The following TBC1D1 variants were observed in gnomAD, a reference collection of about 807,000 sequenced individuals.
TBC1D1 encodes the protein TBC1 domain family member 1.
In TBC1D1, 89 loss-of-function variants were observed where a neutral mutation model predicts 125.6. That is an observed-to-expected ratio of 0.71 (90% CI 0.60 to 0.85). The LOEUF is 0.85. Among genes scored for constraint, TBC1D1 ranks in the 40% least tolerant of loss-of-function variants. The pLI, the probability that TBC1D1 is intolerant of heterozygous loss-of-function variation, is 0.00. For synonymous variants in TBC1D1, 565 were observed against 564.1 expected (o/e 1.00, Z -0.02); for missense variants, 1,377 against 1,469.2 (o/e 0.94, Z 1.03).
chr4:37,947,027 C>T (rs28536056), intron 2 of TBC1D1, among the ~76,000 whole-genome samples: 25,598 of 152,106 alleles, frequency 0.17, 2,687 homozygotes, highest in East Asian at 0.59. Flanking sequence ...AAGGGATGGA[C>T]GGATGATGAA....
intron 2 of TBC1D1, among the ~76,000 whole-genome samples, chr4:37,950,219 C>T (rs185150856): frequency 7.9e-5 from 12 of 152,206 alleles, no homozygotes; most frequent in African/African-American, 2.2e-4. Context: ...ACCTGAATGA[C>T]CCTGGGCAAA....
At chr4:38,016,174 T>G (rs1381922639) in intron 3 of TBC1D1, among the ~76,000 whole-genome samples, 1 of 152,200 alleles carries the variant, frequency 6.6e-6, no homozygotes, top group Non-Finnish European at 1.5e-5. Context: ...CTAATTATAA[T>G]TGTGGTAAAT....
intron 10 of TBC1D1, among the ~76,000 whole-genome samples, chr4:38,047,655 G>C (rs1578418807): frequency 6.6e-6 from 1 of 152,144 alleles, no homozygotes; most frequent in African/African-American, 2.4e-5. Flanking sequence ...CCAGCATCAA[G>C]CAGAGTGTGG....
intron 2 of TBC1D1, among the ~76,000 whole-genome samples, chr4:37,972,371 C>T (rs1314588655): frequency 6.6e-6 from 1 of 151,416 alleles, no homozygotes; most frequent in Non-Finnish European, 1.5e-5. Flanking sequence ...ATCTCAACTA[C>T]TCAGGAGGCT....
chr4:38,092,882 A>G lies in TBC1D1; in HGVS notation c.2236+2765A>G, dbSNP rs557768459. On this transcript the variant is annotated intron_variant, in intron 13 of 19. Transcript: ENST00000261439. ...GCCATTCCATCTTGGGGTGACTCAC[A>G]CACACACTCAGACTGGGACCATGTA... 2.3e-4 allele frequency among the ~76,000 whole-genome samples: 35 copies of G among 152,224 alleles called. No individual in the cohort carries two copies. In the East Asian group the frequency reaches 6.4e-3, roughly 28 times the overall value.
At chr4:38,050,308 T>C (rs1750270239) in intron 11 of TBC1D1, among the ~76,000 whole-genome samples, 1 of 152,258 alleles carries the variant, frequency 6.6e-6, no homozygotes, top group Non-Finnish European at 1.5e-5. Flanking sequence ...GCTGGCCTCA[T>C]AGGGTGACAG....
intron 2 of TBC1D1, among the ~76,000 whole-genome samples, chr4:37,980,022 A>G (rs1578135873): frequency 6.6e-6 from 1 of 152,060 alleles, no homozygotes; most frequent in Admixed American, 6.5e-5. Context: ...CAGGTGATCC[A>G]CCTGCCTCGG....
intron 2 of TBC1D1, among the ~76,000 whole-genome samples, chr4:37,907,944 T>C (rs1238134506): frequency 6.6e-6 from 1 of 152,232 alleles, no homozygotes; most frequent in Non-Finnish European, 1.5e-5. Context: ...CTTTTCTTTA[T>C]CCACGGAGGA....
At chr4:38,057,030 A>G (rs1369885343) in intron 12 of TBC1D1, among the ~76,000 whole-genome samples, 1 of 152,098 alleles carries the variant, frequency 6.6e-6, no homozygotes, top group Non-Finnish European at 1.5e-5. Flanking sequence ...CCTGGCATAG[A>G]TGCTGCTCCT....
intron 2 of TBC1D1, among the ~76,000 whole-genome samples, chr4:37,919,019 A>G (rs2996044): frequency 0.34 from 52,078 of 151,370 alleles, 9,356 homozygotes; most frequent in Non-Finnish European, 0.38. Flanking sequence ...AATACCAACA[A>G]CACAGAGAAA....
chr4:38,073,772 G>A (rs1377232129), intron 12 of TBC1D1, among the ~76,000 whole-genome samples: 4 of 152,142 alleles, frequency 2.6e-5, no homozygotes, highest in Non-Finnish European at 5.9e-5. Context: ...TCACTCCACA[G>A]GAGCTTGTTA....
At chr4:38,097,311 C>A (rs1340301837) in intron 14 of TBC1D1, among the ~76,000 whole-genome samples, 1 of 150,892 alleles carries the variant, frequency 6.6e-6, no homozygotes, top group Non-Finnish European at 1.5e-5. Flanking sequence ...TACAGGCGCC[C>A]GGCACCATGC....
Position 37,977,496 on chromosome 4 carries a change from C to A in TBC1D1, c.418-37013C>A. 1 of 991,426 alleles carries A rather than the reference C, an allele frequency of 1.0e-6. No homozygotes were observed. Among genetic ancestry groups the A allele is most frequent in the Non-Finnish European group, 1.2e-6 (1 of 827,696 alleles). The allele number at this position is 991,426 out of a possible 1,614,324, so 61.4% of individuals were successfully genotyped here. On this transcript the variant is annotated intron_variant, in intron 2 of 19. Coordinates refer to ENST00000261439, the MANE Select transcript of TBC1D1 (RefSeq NM_015173.4). This position sits in a 1 kb window ranked among gnomAD's most constrained non-coding sequence, Gnocchi z 4.3. ...GCGGGCGAAGAGCCGCCGCCCGGCC[C>A]GCGATGTCACCATTGTTCAGCTGGG...
At chr4:37,983,839 T>C (rs944656856) in intron 2 of TBC1D1, among the ~76,000 whole-genome samples, 4 of 152,226 alleles carry the variant, frequency 2.6e-5, no homozygotes, top group Admixed American at 2.6e-4. Context: ...TATAATGACG[T>C]ATATCCAGCA....
intron 2 of TBC1D1, among the ~76,000 whole-genome samples, chr4:37,934,416 G>A (rs1224977730): frequency 1.3e-5 from 2 of 152,164 alleles, no homozygotes; most frequent in Non-Finnish European, 2.9e-5. Context: ...ATGTATCCAC[G>A]ATATGGCTTG....
At chr4:37,974,431 G>T (rs983450857) in intron 2 of TBC1D1, among the ~76,000 whole-genome samples, 12 of 152,234 alleles carry the variant, frequency 7.9e-5, no homozygotes, top group Non-Finnish European at 1.5e-4. Context: ...TAGACATGGG[G>T]TCTCACCGTG....
rs140473695 is a variant in TBC1D1, at chr4:38,137,514, GT to G, written c.*187del. 47 of 882,358 alleles carry G rather than the reference GT, an allele frequency of 5.3e-5. No homozygotes were observed. Among genetic ancestry groups the G allele is most frequent in the South Asian group, 8.5e-5 (2 of 23,410 alleles). The allele number at this position is 882,358 out of a possible 1,614,324, so 54.7% of individuals were successfully genotyped here. ...TGCAATTCAGGGGGCATGTCCCAGT[GT>G]TTTTTTTGTTGTTTTTAGATACTAA... On this transcript the variant is annotated 3_prime_UTR_variant, in exon 20 of 20. Transcript: ENST00000261439.
intron 15 of TBC1D1, among the ~76,000 whole-genome samples, chr4:38,114,444 G>A (rs1578782861): frequency 6.6e-6 from 1 of 152,186 alleles, no homozygotes; most frequent in African/African-American, 2.4e-5. Context: ...ATGAAAATAT[G>A]TTCCTCCCTG....
intron 2 of TBC1D1, among the ~76,000 whole-genome samples, chr4:37,953,783 G>A (rs991124535): frequency 3.3e-5 from 5 of 152,168 alleles, no homozygotes; most frequent in African/African-American, 1.2e-4. Context: ...ACTGTGGTTA[G>A]CTTGGTATGT....
Sources: allele counts gnomAD v4.1 joint callset (sites outside exome capture counted in the v4.1 genomes callset), GRCh38; gene constraint gnomAD v4.1.1; non-coding constraint Gnocchi (gnomAD v3.1); transcripts MANE v1.5; gene names NCBI Gene and HGNC (gene_info 2026-07-23, HGNC 2026-07-21).